Variants in NMRK1 observed in about 807,000 individuals in gnomAD.
NMRK1 encodes the protein NRK 1.
A neutral mutation model predicts 29.9 loss-of-function variants in NMRK1; 28 were observed. The observed-to-expected ratio is 0.94, with a 90% confidence interval of 0.69 to 1.28. The LOEUF (loss-of-function observed/expected upper bound fraction) is 1.28, where lower values mean the gene tolerates loss of function less well. NMRK1 is among the 50% of genes most tolerant of loss of function. The pLI is 0.00. For missense variants in NMRK1, 218 were observed against 233.1 expected (o/e 0.94, Z 0.42); for synonymous variants, 58 against 73.0 (o/e 0.79, Z 1.05).
intron 5 of NMRK1, 24 bp from the exon 6 acceptor site, chr9:75,069,837 C>T (rs2118074004): frequency 6.2e-7 from 1 of 1,612,036 alleles, no homozygotes; most frequent in East Asian, 2.2e-5. Context: ...ATACTTAGTT[C>T]ACAAGGGTTT....
chr9:75,078,413 C>T, intron 2 of NMRK1: 1 of 1,552,450 alleles, frequency 6.4e-7, no homozygotes, highest in South Asian at 1.2e-5. Context: ...TAGCTTATCA[C>T]AACAGGCCAG....
intron 2 of NMRK1, among the ~76,000 whole-genome samples, chr9:75,080,526 C>A (rs1012835333): frequency 1.3e-5 from 2 of 152,164 alleles, no homozygotes; most frequent in African/African-American, 4.8e-5. Context: ...GTGGTGCATG[C>A]CTGTAGTCCC....
At position 75,081,656 on chromosome 9, in the gene NMRK1, G is replaced by A. The variant is rs73650102; in HGVS notation, c.29+1431C>T. 5.8e-3 allele frequency among the ~76,000 whole-genome samples: 887 copies of A among 152,242 alleles called. 6 individuals are homozygous for A. The highest frequency in any genetic ancestry group is 0.019 in the African/African-American group (807 of 41,544). ...GTGGACTTTGTAGTTGCCTCTCCAG[G>A]TTCCATGTCTGTTTTCTAGGTCCGG... is the stretch of plus-strand genomic sequence containing the variant. On this transcript the variant is annotated intron_variant, in intron 2 of 8. Coordinates refer to ENST00000361092, the MANE Select transcript of NMRK1 (RefSeq NM_017881.3).
At chr9:75,076,000 C>T (rs1483738878) in intron 4 of NMRK1, among the ~76,000 whole-genome samples, 1 of 152,164 alleles carries the variant, frequency 6.6e-6, no homozygotes, top group African/African-American at 2.4e-5. Flanking sequence ...AGTACAGCCA[C>T]TATGGAGAAG....
intron 8 of NMRK1, chr9:75,066,128 G>C (rs1417340482): frequency 3.0e-6 from 1 of 329,736 alleles, no homozygotes; most frequent in African/African-American, 2.2e-5. Flanking sequence ...ACCTTCAGCA[G>C]TAGGATATAA....
At chr9:75,082,884 T>C (rs907880303) in intron 2 of NMRK1, 1 of 556,992 alleles carries the variant, frequency 1.8e-6, no homozygotes, top group Non-Finnish European at 3.2e-6. Flanking sequence ...TGACTGACTC[T>C]TCTGTTTCTC....
chr9:75,087,653 T>C (rs550533066), intron 1 of NMRK1: 1 of 150,956 alleles, frequency 6.6e-6, no homozygotes, highest in East Asian at 1.9e-4. Flanking sequence ...GGCCTTACAG[T>C]AACAGGCAGC....
intron 4 of NMRK1, among the ~76,000 whole-genome samples, chr9:75,075,971 A>G (rs1383396574): frequency 6.6e-6 from 1 of 152,266 alleles, no homozygotes; most frequent in Non-Finnish European, 1.5e-5. Context: ...ATCATATACT[A>G]TTGGAAGGAA....
At chr9:75,082,274 A>T (rs756009675) in intron 2 of NMRK1, among the ~76,000 whole-genome samples, 3 of 152,220 alleles carry the variant, frequency 2.0e-5, no homozygotes, top group Non-Finnish European at 4.4e-5. Flanking sequence ...AGTACTGCAG[A>T]GAAAAACTGA....
intron 2 of NMRK1, among the ~76,000 whole-genome samples, chr9:75,082,327 A>G (rs1423245827): frequency 5.9e-5 from 9 of 152,226 alleles, no homozygotes; most frequent in Non-Finnish European, 1.3e-4. Flanking sequence ...GAGTTCTAAC[A>G]TTTAGTTCAC....
chr9:75,071,653 T>G (rs1823705343), intron 4 of NMRK1, among the ~76,000 whole-genome samples: 1 of 152,216 alleles, frequency 6.6e-6, no homozygotes, highest in Admixed American at 6.5e-5. Context: ...CTGGTATAGC[T>G]TGCAGGTTCA....
At position 75,066,723 on chromosome 9, in the gene NMRK1, C is replaced by G. The variant is rs368384429; in HGVS notation, c.580+34G>C. On this transcript the variant is annotated intron_variant, in intron 8 of 8. Transcript: ENST00000361092. ...ATGAATGATTTTCCTGGCTGTTTCT[C>G]CTCTACCATCCACTTTGTTAGCACA... 1.1e-4 allele frequency: 134 copies of G among 1,180,536 alleles called. No individual in the cohort carries two copies. In the African/African-American group the frequency reaches 1.9e-3, roughly 16 times the overall value. The allele number at this position is 1,180,536 out of a possible 1,614,324, so 73.1% of individuals were successfully genotyped here.
intron 2 of NMRK1, chr9:75,078,470 C>A (rs961848052): frequency 8.8e-6 from 13 of 1,484,248 alleles, no homozygotes; most frequent in African/African-American, 1.4e-5. Flanking sequence ...AGAAGGGGCA[C>A]TGAGTTACTC....
At chr9:75,064,077 T>C (rs1168153986) in intron 8 of NMRK1, among the ~76,000 whole-genome samples, 1 of 152,054 alleles carries the variant, frequency 6.6e-6, no homozygotes. Context: ...CACAGGGAAA[T>C]GCACTTTCTT....
intron 4 of NMRK1, among the ~76,000 whole-genome samples, chr9:75,071,836 C>A (rs989169541): frequency 1.3e-5 from 2 of 152,048 alleles, no homozygotes; most frequent in Non-Finnish European, 2.9e-5. Context: ...AGCTGACACG[C>A]CCTGAGTAAG....
At chr9:75,064,893 T>C (rs1416886975) in intron 8 of NMRK1, among the ~76,000 whole-genome samples, 4 of 152,246 alleles carry the variant, frequency 2.6e-5, no homozygotes, top group Non-Finnish European at 4.4e-5. Flanking sequence ...TTAATTCAAA[T>C]AGTTCAAATA....
intron 4 of NMRK1, among the ~76,000 whole-genome samples, chr9:75,075,068 T>C (rs1318851494): frequency 6.6e-6 from 1 of 152,188 alleles, no homozygotes; most frequent in African/African-American, 2.4e-5. Context: ...GCTTTAAACA[T>C]CTTCGTTTAC....
chr9:75,084,115 A>G (rs1824480711), intron 1 of NMRK1, among the ~76,000 whole-genome samples: 3 of 152,142 alleles, frequency 2.0e-5, no homozygotes, highest in Non-Finnish European at 4.4e-5. Flanking sequence ...TGGTTATTAC[A>G]ATGGGCCATT....
At chr9:75,082,515 CA>C (rs1163257640) in intron 2 of NMRK1, among the ~76,000 whole-genome samples, 1 of 152,108 alleles carries the variant, frequency 6.6e-6, no homozygotes, top group African/African-American at 2.4e-5. Context: ...ATGTCATTTT[CA>C]GTTGATGTTG....
Sources: allele counts gnomAD v4.1 joint callset (sites outside exome capture counted in the v4.1 genomes callset), GRCh38; gene constraint gnomAD v4.1.1; transcripts MANE v1.5; gene names NCBI Gene and HGNC (gene_info 2026-07-23, HGNC 2026-07-21).